The following AKAP8L variants were observed in gnomAD, a reference collection of about 807,000 sequenced individuals.
AKAP8L encodes the protein A-kinase anchor protein 8-like.
In AKAP8L, 34 loss-of-function variants were observed where a neutral mutation model predicts 77.5. That is an observed-to-expected ratio of 0.44 (90% CI 0.33 to 0.58). The LOEUF is 0.58. Ranked by LOEUF, AKAP8L falls within the 20% of genes least tolerant of loss-of-function variation. AKAP8L has a pLI of 0.02. For synonymous variants in AKAP8L, 342 were observed against 340.7 expected, an observed-to-expected ratio of 1.00 and a Z score of -0.04; for missense variants, 806 against 887.6, an observed-to-expected ratio of 0.91 and a Z score of 1.17.
Position 15,403,659 on chromosome 19 carries a change from C to G in AKAP8L, c.178G>C (p.Gly60Arg), listed in dbSNP as rs1967943219. ...GYGQDNTTNY[G>R]YGMATSHSWE... ...GAGTGTGAAGTGGCCATACCATACC[C>G]ATAGTTGGTGGTGTTATCCTGGCCA... Residue 60 changes from glycine to arginine, a missense_variant, in exon 4 of 14, where the codon GGG becomes CGG. Gly to Arg is a moderately radical substitution (Grantham distance 125, BLOSUM62 -2). Coordinates refer to ENST00000397410, the MANE Select transcript of AKAP8L (RefSeq NM_014371.4). The surrounding 1 kb of genome is among the most constrained non-coding windows in gnomAD (Gnocchi z 4.3). The G allele has an allele frequency of 1.2e-6, 2 of 1,612,886 alleles. No individual in the cohort carries two copies. Among genetic ancestry groups the G allele is most frequent in the Non-Finnish European group, 1.7e-6 (2 of 1,179,380 alleles).
At chr19:15,410,134 CA>C in intron 2 of AKAP8L, among the ~76,000 whole-genome samples, 1 of 152,024 alleles carries the variant, frequency 6.6e-6, no homozygotes, top group East Asian at 1.9e-4. Context: ...GTATAGATGG[CA>C]TTTCACCATG....
In AKAP8L at chr19:15,397,973, A is replaced by G. The variant is rs1487257613; in HGVS notation, c.1158-118T>C. The G allele has an allele frequency of 3.0e-6, 4 of 1,313,090 alleles. No individual in the cohort carries two copies. Among genetic ancestry groups the G allele is most frequent in the Non-Finnish European group, 4.2e-6 (4 of 957,682 alleles). The allele number at this position is 1,313,090 out of a possible 1,614,324, so 81.3% of individuals were successfully genotyped here. A position where few individuals can be genotyped will look rare whatever the true frequency, so the allele number is the denominator to read the frequency against. ...GGCCTTGCTCACGGGCCTCTGAAGT[A>G]CGGTCCCAGCAGAGGGACAGGCTGG... On this transcript the variant is annotated intron_variant, in intron 9 of 13. Coordinates refer to ENST00000397410, the MANE Select transcript of AKAP8L (RefSeq NM_014371.4). The surrounding 1 kb of genome is among the most constrained non-coding windows in gnomAD (Gnocchi z 4.7).
At chr19:15,416,857 C>CT (rs1365124654) in intron 1 of AKAP8L, among the ~76,000 whole-genome samples, 4 of 152,152 alleles carry the variant, frequency 2.6e-5, no homozygotes, top group Non-Finnish European at 4.4e-5. Context: ...ATTTATCAGT[C>CT]ACCTTTTATG....
Position 15,380,302 on chromosome 19 carries a change from C to A in AKAP8L, c.1761G>T (p.Ala587=). ...CTGGCTCTGGGGGCACGGGAGGCTGCGCCGGCACGCCCTCTGCGCCCTCCG... is the reference window on the plus strand; with the variant it reads ...CTGGCTCTGGGGGCACGGGAGGCTGAGCCGGCACGCCCTCTGCGCCCTCCG... ...GISEGAEGVP[A]QPPVPPEPAP... Residue 587 remains alanine, a synonymous_variant, in exon 14 of 14, where the codon GCG becomes GCT. Coordinates refer to ENST00000397410, the MANE Select transcript of AKAP8L (RefSeq NM_014371.4). 1 of 1,529,960 alleles carries A rather than the reference C, an allele frequency of 6.5e-7. No individual in the cohort carries two copies. The highest frequency in any genetic ancestry group is 8.7e-7 in the Non-Finnish European group (1 of 1,144,668). 94.8% of individuals were successfully genotyped at this position (1,529,960 alleles called of 1,614,324 possible). A position where few individuals can be genotyped will look rare whatever the true frequency, so the allele number is the denominator to read the frequency against.
intron 2 of AKAP8L, among the ~76,000 whole-genome samples, chr19:15,408,472 A>G (rs1968043062): frequency 6.6e-6 from 1 of 151,864 alleles, no homozygotes; most frequent in South Asian, 2.1e-4. Context: ...CCAAGGCACA[A>G]GAATAGCTTG....
At position 15,399,983 on chromosome 19, in the gene AKAP8L, T is replaced by A; in HGVS notation, c.1048+312A>T. 1 of 487,378 alleles carries A rather than the reference T, an allele frequency of 2.1e-6. No individual in the cohort carries two copies. Among genetic ancestry groups the A allele is most frequent in the Non-Finnish European group, 3.7e-6 (1 of 270,506 alleles). 30.2% of individuals were successfully genotyped at this position (487,378 alleles called of 1,614,324 possible). ...CCACTGAGGACTTGGAACTGCGCGT[T>A]ACTGAGGGACCGAGGGCAGGGGGCG... On this transcript the variant is annotated intron_variant, in intron 8 of 13. Coordinates refer to ENST00000397410, the MANE Select transcript of AKAP8L (RefSeq NM_014371.4). This position sits in a 1 kb window ranked among gnomAD's most constrained non-coding sequence, Gnocchi z 6.1.
In AKAP8L at chr19:15,418,972, A is replaced by G; in HGVS notation, c.-49T>C. The G allele has an allele frequency of 1.2e-6, 2 of 1,602,850 alleles. No homozygotes were observed. The highest frequency in any genetic ancestry group is 1.7e-6 in the Non-Finnish European group (2 of 1,179,032). The stretch of plus-strand genomic sequence containing the variant: ...ACGACGCCGGCTTCTGCTGCTCTGA[A>G]CATCCGACGCTGCGATAGCTGCTGC... On this transcript the variant is annotated 5_prime_UTR_variant, in exon 1 of 14. Transcript: ENST00000397410.
At chr19:15,414,349 G>A (rs1229165617) in intron 1 of AKAP8L, among the ~76,000 whole-genome samples, 1 of 152,010 alleles carries the variant, frequency 6.6e-6, no homozygotes, top group African/African-American at 2.4e-5. Context: ...GAGCCACCAC[G>A]CCCGGCCTAA....
chr19:15,413,875 C>T (rs1036015489), intron 1 of AKAP8L, among the ~76,000 whole-genome samples: 1 of 152,046 alleles, frequency 6.6e-6, no homozygotes, highest in East Asian at 1.9e-4. Context: ...TCTGTTCAGG[C>T]GAGAGGGGCC....
At chr19:15,383,204 GTCTT>G (rs1414088221) in intron 12 of AKAP8L, 1 of 152,244 alleles carries the variant, frequency 6.6e-6, no homozygotes, top group Admixed American at 6.5e-5. Flanking sequence ...ATACCATATT[GTCTT>G]TCTTTTTATT....
chr19:15,409,537 C>G (rs1968068131), intron 2 of AKAP8L, among the ~76,000 whole-genome samples: 1 of 152,176 alleles, frequency 6.6e-6, no homozygotes, highest in Non-Finnish European at 1.5e-5. Context: ...TAGGATCAGT[C>G]TTTCCCCAGA....
At chr19:15,383,825 G>A (rs1254609013) in intron 12 of AKAP8L, 2 of 151,700 alleles carry the variant, frequency 1.3e-5, no homozygotes, top group Non-Finnish European at 2.9e-5. Flanking sequence ...CTAGAAATGT[G>A]CTGTCTATAT....
chr19:15,406,362 G>GGA (rs3040938), intron 2 of AKAP8L, among the ~76,000 whole-genome samples: 7,525 of 89,260 alleles, frequency 0.084, 507 homozygotes, highest in Admixed American at 0.13. Context: ...GAAATTTTAA[G>GGA]GAGAGAGAGA....
Position 15,398,642 on chromosome 19 carries a change from T to A in AKAP8L, c.1157+660A>T, listed in dbSNP as rs1191319044. On this transcript the variant is annotated intron_variant, in intron 9 of 13. Transcript: ENST00000397410. The surrounding 1 kb of genome is among the most constrained non-coding windows in gnomAD (Gnocchi z 9.2). ...GGCGGGTCCCTACCTCTGCCGGACGTCCTTATCTGGGCCACGGGGTCAGCT... is the reference window on the plus strand; with the variant it reads ...GGCGGGTCCCTACCTCTGCCGGACGACCTTATCTGGGCCACGGGGTCAGCT... 1.0e-6 allele frequency: 1 copy of A among 985,844 alleles called. No homozygotes were observed. The highest frequency in any genetic ancestry group is 1.2e-6 in the Non-Finnish European group (1 of 830,604). The allele number at this position is 985,844 out of a possible 1,614,324, so 61.1% of individuals were successfully genotyped here.
chr19:15,391,783 C>T (rs1385998841), intron 12 of AKAP8L, among the ~76,000 whole-genome samples: 2 of 152,022 alleles, frequency 1.3e-5, no homozygotes, highest in Non-Finnish European at 2.9e-5. Flanking sequence ...CGTGATCTCC[C>T]GCCTCAGCCT....
chr19:15,389,424 G>C (rs1967612984), intron 12 of AKAP8L, among the ~76,000 whole-genome samples: 1 of 152,038 alleles, frequency 6.6e-6, no homozygotes, highest in Non-Finnish European at 1.5e-5. Context: ...CAAAATACTT[G>C]AAGAAACAAT....
intron 1 of AKAP8L, 121 bp from the exon 2 acceptor site, chr19:15,410,715 A>G: frequency 1.4e-6 from 1 of 712,576 alleles, no homozygotes; most frequent in South Asian, 1.8e-5. Flanking sequence ...AGCCACCAAA[A>G]CCTCTAGATT....
intron 2 of AKAP8L, among the ~76,000 whole-genome samples, chr19:15,407,837 T>A (rs1169713061): frequency 6.6e-6 from 1 of 152,248 alleles, no homozygotes; most frequent in Non-Finnish European, 1.5e-5. Flanking sequence ...GATAGATCTA[T>A]AGATCCAAGG....
intron 12 of AKAP8L, among the ~76,000 whole-genome samples, chr19:15,389,293 A>G (rs192037702): frequency 1.2e-4 from 19 of 152,150 alleles, no homozygotes; most frequent in Non-Finnish European, 2.2e-4. Flanking sequence ...TACAATCTGC[A>G]GAACAGAGGG....
Sources: allele counts gnomAD v4.1 joint callset (sites outside exome capture counted in the v4.1 genomes callset), GRCh38; gene constraint gnomAD v4.1.1; non-coding constraint Gnocchi (gnomAD v3.1); transcripts MANE v1.5; gene names NCBI Gene and HGNC (gene_info 2026-07-23, HGNC 2026-07-21).